Variants in DDX4 observed in about 807,000 individuals in gnomAD.
DDX4 encodes the protein probable ATP-dependent RNA helicase DDX4.
In DDX4, 25 loss-of-function variants were observed where a neutral mutation model predicts 100.0. The observed-to-expected ratio is 0.25, with a 90% CI of 0.18 to 0.35. The LOEUF (loss-of-function observed/expected upper bound fraction) is 0.35. Among genes scored for constraint, DDX4 ranks in the 10% least tolerant of loss-of-function variants. The pLI is 1.00. For synonymous variants in DDX4, 259 were observed against 275.7 expected (o/e 0.94, Z 0.60); for missense variants, 635 against 882.4 (o/e 0.72, Z 3.55).
At chr5:55,748,859 G>A (rs1759385911) in intron 3 of DDX4, among the ~76,000 whole-genome samples, 1 of 152,076 alleles carries the variant, frequency 6.6e-6, no homozygotes, top group African/African-American at 2.4e-5. Context: ...GTATGCCACT[G>A]GCATAATATA....
chr5:55,756,436 T>G (rs1759942464), intron 3 of DDX4, among the ~76,000 whole-genome samples: 1 of 152,156 alleles, frequency 6.6e-6, no homozygotes, highest in Non-Finnish European at 1.5e-5. Flanking sequence ...GGATTAGAAG[T>G]CAGGAGAGCT....
Position 55,798,488 on chromosome 5 carries a change from C to T in DDX4, c.1532C>T (p.Ala511Val). Reference sequence around the variant, plus strand: ...GTTGCTGTTGGACAAGTGGGTGGAGCATGTAGAGATGTTCAGCAGACCGTT... The same window carrying T: ...GTTGCTGTTGGACAAGTGGGTGGAGTATGTAGAGATGTTCAGCAGACCGTT... ...LFVAVGQVGGACRDVQQTVLQ... is the reference protein window; with the variant it reads ...LFVAVGQVGGVCRDVQQTVLQ... Residue 511 changes from alanine (A) to valine (V), a missense_variant, in exon 18 of 22, where the codon GCA (alanine) becomes GTA (valine). By Grantham distance (64) the Ala-to-Val change is moderately conservative (BLOSUM62 0). Around this residue, in one of 4 missense-constraint regions of DDX4, gnomAD observed 115 missense variants for 224.7 expected, o/e 0.51. Transcript: ENST00000505374. The T allele has an allele frequency of 6.2e-7, 1 of 1,612,864 alleles. No individual in the cohort carries two copies. The highest frequency in any genetic ancestry group is 8.5e-7 in the Non-Finnish European group (1 of 1,179,374).
intron 2 of DDX4, among the ~76,000 whole-genome samples, chr5:55,740,745 C>T (rs1368362948): frequency 6.6e-6 from 1 of 150,782 alleles, no homozygotes; most frequent in Non-Finnish European, 1.5e-5. Flanking sequence ...GTCTCAAACT[C>T]CTGACCTCAG....
At chr5:55,747,422 C>G (rs547073319) in intron 3 of DDX4, among the ~76,000 whole-genome samples, 5 of 152,146 alleles carry the variant, frequency 3.3e-5, no homozygotes, top group African/African-American at 1.2e-4. Flanking sequence ...GTCATGGTGG[C>G]CTGTGCCTGT....
chr5:55,748,152 A>T (rs1759345296), intron 3 of DDX4, among the ~76,000 whole-genome samples: 1 of 152,260 alleles, frequency 6.6e-6, no homozygotes, highest in African/African-American at 2.4e-5. Flanking sequence ...TTTTATAAGC[A>T]TTTAAACACA....
chr5:55,807,686 A>G (rs189547345), intron 18 of DDX4, among the ~76,000 whole-genome samples: 1,778 of 152,318 alleles, frequency 0.012, 15 homozygotes, highest in Middle Eastern at 0.027. Flanking sequence ...TTCTGCCGAG[A>G]GATCAGCTGT....
At chr5:55,747,568 A>G (rs961787546) in intron 3 of DDX4, among the ~76,000 whole-genome samples, 57 of 152,144 alleles carry the variant, frequency 3.7e-4, no homozygotes, top group Non-Finnish European at 4.0e-4. Flanking sequence ...CAAAAACATT[A>G]AAAAACTATG....
chr5:55,746,038 C>T (rs944416746), intron 2 of DDX4, 126 bp from the exon 3 acceptor site: 11 of 703,842 alleles, frequency 1.6e-5, no homozygotes, highest in Non-Finnish European at 2.6e-5. Flanking sequence ...TTTAGAAAAC[C>T]TTACAGTCTA....
At chr5:55,809,101 A>G (rs1580609790) in intron 18 of DDX4, among the ~76,000 whole-genome samples, 4 of 152,246 alleles carry the variant, frequency 2.6e-5, no homozygotes, top group Non-Finnish European at 4.4e-5. Context: ...CCATGGGGGT[A>G]GGACCCTTTG....
chr5:55,785,891 C>A lies in DDX4; in HGVS notation c.864+20C>A. On this transcript the variant is annotated intron_variant, in intron 13 of 21. Coordinates refer to ENST00000505374, the MANE Select transcript of DDX4 (RefSeq NM_024415.3). ...ATTCTGGTCAGTGTATTAATTGTTT[C>A]TGTATTAGCTATGTAGCACACTTTG... is the stretch of plus-strand genomic sequence containing the variant. 1 of 1,566,672 alleles carries A rather than the reference C, an allele frequency of 6.4e-7. No individual in the cohort carries two copies. Among genetic ancestry groups the A allele is most frequent in the Non-Finnish European group, 8.8e-7 (1 of 1,138,040 alleles).
intron 18 of DDX4, among the ~76,000 whole-genome samples, chr5:55,804,976 G>C (rs1218250178): frequency 6.6e-6 from 1 of 151,658 alleles, no homozygotes; most frequent in Non-Finnish European, 1.5e-5. Flanking sequence ...TCTTCCATTT[G>C]TTTGTATCCT....
chr5:55,756,296 A>G (rs1386911450), intron 3 of DDX4, among the ~76,000 whole-genome samples: 1 of 152,182 alleles, frequency 6.6e-6, no homozygotes, highest in Non-Finnish European at 1.5e-5. Flanking sequence ...CTACTGCATC[A>G]GAATGTGTGT....
intron 2 of DDX4, among the ~76,000 whole-genome samples, chr5:55,744,400 T>C (rs549034073): frequency 6.6e-6 from 1 of 152,308 alleles, no homozygotes; most frequent in Non-Finnish European, 1.5e-5. Flanking sequence ...AGCCGTATTC[T>C]GAACTTTTGC....
chr5:55,786,471 G>T (rs368719282), intron 13 of DDX4, 47 bp from the exon 14 acceptor site: 1 of 1,453,652 alleles, frequency 6.9e-7, no homozygotes, highest in Non-Finnish European at 9.6e-7. Flanking sequence ...TAAATGATCT[G>T]CATATGATAT....
At chr5:55,799,129 G>T (rs745669366) in intron 18 of DDX4, among the ~76,000 whole-genome samples, 21 of 151,958 alleles carry the variant, frequency 1.4e-4, no homozygotes, top group Non-Finnish European at 2.8e-4. Flanking sequence ...AAATAATTGT[G>T]TAGTCATAGC....
intron 21 of DDX4, among the ~76,000 whole-genome samples, chr5:55,816,065 C>T (rs1159258001): frequency 6.6e-6 from 1 of 151,286 alleles, no homozygotes; most frequent in South Asian, 2.1e-4. Flanking sequence ...AGATTACAGG[C>T]GTGAGCCACT....
chr5:55,816,129 T>A (rs1450262232), intron 21 of DDX4, among the ~76,000 whole-genome samples: 1 of 152,090 alleles, frequency 6.6e-6, no homozygotes, highest in Non-Finnish European at 1.5e-5. Context: ...TTTTATAGGC[T>A]GAACACCGCC....
chr5:55,781,869 A>G (rs1298524883), intron 9 of DDX4, 65 bp from the exon 10 acceptor site: 1 of 1,565,366 alleles, frequency 6.4e-7, no homozygotes, highest in East Asian at 2.2e-5. Context: ...AAATAACAAC[A>G]TGGTTTGTGT....
chr5:55,791,745 A>C (rs1452097641), intron 16 of DDX4, among the ~76,000 whole-genome samples: 2 of 152,260 alleles, frequency 1.3e-5, no homozygotes, highest in Non-Finnish European at 2.9e-5. Flanking sequence ...ATAAAAATTC[A>C]GTTCCAAGTC....
Sources: gnomAD v4.1 joint callset for allele counts (sites outside exome capture counted in the v4.1 genomes callset) on GRCh38, gnomAD v4.1.1 for gene constraint, gnomAD v4.1.1 regional missense constraint, MANE v1.5 for transcripts, NCBI Gene and HGNC (gene_info 2026-07-23, HGNC 2026-07-21) for gene names.